HMOX2: variants seen among roughly 807,000 people sequenced by gnomAD.
HMOX2 encodes the protein heme oxygenase (decycling) 2.
HMOX2 carries 30 observed loss-of-function variants against 33.7 expected under a neutral mutation model. The ratio of observed to expected loss-of-function variants is 0.89; its 90% CI spans 0.67 to 1.21. HMOX2 has a LOEUF of 1.21. HMOX2 is among the 50% of genes most tolerant of loss of function. The probability of loss-of-function intolerance (pLI) is 0.00; values close to 1 mark genes in which losing one functional copy is unlikely to be tolerated. For synonymous variants in HMOX2, 155 were observed against 155.0 expected, an observed-to-expected ratio of 1.00 and a Z score of 0.00; for missense variants, 403 against 399.1, an observed-to-expected ratio of 1.01 and a Z score of -0.08.
chr16:4,487,219 G>A (rs191808669), intron 1 of HMOX2, among the ~76,000 whole-genome samples: 3 of 151,910 alleles, frequency 2.0e-5, no homozygotes, highest in Non-Finnish European at 2.9e-5. Context: ...GATTGACCCA[G>A]TGCACTTCAG....
At chr16:4,475,521 A>G (rs966511586), upstream of HMOX2, among the ~76,000 whole-genome samples, 9 of 151,430 alleles carry the variant, frequency 5.9e-5, no homozygotes, top group African/African-American at 1.9e-4. Flanking sequence ...CATGCTGGCC[A>G]GGCTGGTCTC....
At position 4,509,641 on chromosome 16, in the gene HMOX2, G is replaced by A; in HGVS notation, c.836G>A (p.Gly279Asp). 1 of 1,613,708 alleles carries A rather than the reference G, an allele frequency of 6.2e-7. No homozygotes were observed. Among genetic ancestry groups the A allele is most frequent in the Non-Finnish European group, 8.5e-7 (1 of 1,179,628 alleles). ...AAEQDKGALE[G>D]SSCPFRTAMA... ...TGCTGCCACACAGGTGCCCTGGAGG[G>A]CAGCAGCTGTCCCTTCCGAACAGCT... The change falls in exon 6 of 6, where the codon GGC becomes GAC. Residue 279 changes from glycine (G) to aspartate (D), a missense_variant. By Grantham distance (94) the Gly-to-Asp change is moderately conservative (BLOSUM62 -1). Transcript: ENST00000570646.
Position 4,507,721 on chromosome 16 carries a change from C to T in HMOX2, c.213C>T (p.Thr71=). 1 of 1,613,554 alleles carries T rather than the reference C, an allele frequency of 6.2e-7. No homozygotes were observed. Among genetic ancestry groups the T allele is most frequent in the South Asian group, 1.1e-5 (1 of 91,058 alleles). Residue 71 remains threonine, a synonymous_variant, in exon 4 of 6, where the codon ACC becomes ACT. Coordinates refer to ENST00000570646, the MANE Select transcript of HMOX2 (RefSeq NM_002134.4). ...TCCTGTCACCTCCACAGCTGGCCAC[C>T]ACGGCACTTTACTTCACATACTCAG... ...NIKKELFKLA[T]TALYFTYSAL...
At chr16:4,508,323 G>C in intron 4 of HMOX2, 119 bp downstream of exon 4, 1 of 1,226,194 alleles carries the variant, frequency 8.2e-7, no homozygotes, top group Non-Finnish European at 1.1e-6. Flanking sequence ...GCAGGGTGCC[G>C]AGAGGAAGGT....
intron 1 of HMOX2, among the ~76,000 whole-genome samples, chr16:4,494,659 G>A (rs1408664180): frequency 6.6e-6 from 1 of 151,448 alleles, no homozygotes; most frequent in African/African-American, 2.5e-5. Context: ...CAGGCAGATC[G>A]CTTGAGTCCA....
At chr16:4,481,342 C>G (rs2058025246) in intron 1 of HMOX2, among the ~76,000 whole-genome samples, 1 of 111,892 alleles carries the variant, frequency 8.9e-6, no homozygotes, top group Non-Finnish European at 1.9e-5. Flanking sequence ...GAGCGAGACT[C>G]CGTCTCAAAA....
intron 2 of HMOX2, 68 bp downstream of exon 2, chr16:4,505,678 T>A (rs1371843213): frequency 1.7e-6 from 2 of 1,160,716 alleles, no homozygotes; most frequent in Non-Finnish European, 1.2e-6. Context: ...GCACACCTGG[T>A]TTTGTCTGTT....
At chr16:4,501,239 A>C (rs2058550843) in intron 1 of HMOX2, among the ~76,000 whole-genome samples, 1 of 152,246 alleles carries the variant, frequency 6.6e-6, no homozygotes, top group African/African-American at 2.4e-5. Flanking sequence ...AGTCCAACAA[A>C]AAACAAGTAT....
Position 4,480,037 on chromosome 16 carries a change from CTTTTTTA to C in HMOX2, c.-42+3571_-42+3577del, listed in dbSNP as rs527848423. Among the ~76,000 whole-genome samples, 241 of 149,436 alleles carry C rather than the reference CTTTTTTA, an allele frequency of 1.6e-3. 1 individual carries two copies. The highest frequency in any genetic ancestry group is 2.1e-3 in the Non-Finnish European group (138 of 67,138). ...TATAGGCATGAGTCGCTGCGCCCGG[CTTTTTTA>C]TTTTTTATTTTTTATTTTTTTGAAA... On this transcript the variant is annotated intron_variant, in intron 1 of 5. Coordinates refer to ENST00000570646, the MANE Select transcript of HMOX2 (RefSeq NM_002134.4).
At chr16:4,493,883 A>G (rs1019947867) in intron 1 of HMOX2, among the ~76,000 whole-genome samples, 5 of 152,252 alleles carry the variant, frequency 3.3e-5, no homozygotes, top group Non-Finnish European at 7.3e-5. Context: ...CATATAATAC[A>G]TACAGAAATA....
At chr16:4,479,724 CTATTTTTTTTTTTTTT>C (rs1214124084) in intron 1 of HMOX2, among the ~76,000 whole-genome samples, 9 of 93,892 alleles carry the variant, frequency 9.6e-5, no homozygotes, top group Non-Finnish European at 1.7e-4. Flanking sequence ...TTTTCTTATT[CTATTTTTTTTTTTTTT>C]TTTTTTTTTT....
chr16:4,490,114 C>T (rs2058269960), intron 1 of HMOX2, among the ~76,000 whole-genome samples: 1 of 152,142 alleles, frequency 6.6e-6, no homozygotes, highest in Non-Finnish European at 1.5e-5. Flanking sequence ...CATACCATAA[C>T]GAGATATGAG....
intron 1 of HMOX2, among the ~76,000 whole-genome samples, chr16:4,500,586 TTA>T (rs1264500043): frequency 6.6e-6 from 1 of 152,170 alleles, no homozygotes; most frequent in Admixed American, 6.5e-5. Flanking sequence ...AAAGAAGTCT[TTA>T]TTGTTCCTTT....
At chr16:4,480,755 C>T (rs1047175752) in intron 1 of HMOX2, among the ~76,000 whole-genome samples, 2 of 149,196 alleles carry the variant, frequency 1.3e-5, no homozygotes, top group Non-Finnish European at 3.0e-5. Context: ...CAGGTTTAAG[C>T]GATTCTCCTG....
At chr16:4,508,449 T>C (rs886562318) in intron 4 of HMOX2, among the ~76,000 whole-genome samples, 2 of 152,126 alleles carry the variant, frequency 1.3e-5, no homozygotes, top group East Asian at 3.9e-4. Flanking sequence ...CTCTCGCACA[T>C]AGAGGGGTCT....
At chr16:4,508,728 C>G (rs1383418126) in intron 4 of HMOX2, among the ~76,000 whole-genome samples, 2 of 152,144 alleles carry the variant, frequency 1.3e-5, no homozygotes, top group African/African-American at 4.8e-5. Context: ...GTCTCATTCT[C>G]CCATGTTCCA....
chr16:4,504,795 T>G (rs2058650197), intron 1 of HMOX2, among the ~76,000 whole-genome samples: 1 of 150,580 alleles, frequency 6.6e-6, no homozygotes, highest in Non-Finnish European at 1.5e-5. Flanking sequence ...GCTCAAGAGA[T>G]TCTCCTGCCT....
chr16:4,487,692 T>C (rs4786504), intron 1 of HMOX2, among the ~76,000 whole-genome samples: 110,917 of 151,024 alleles, frequency 0.73, 40,904 homozygotes, highest in African/African-American at 0.78. Context: ...CCCAGCTCCT[T>C]GGGAGGCTGA....
chr16:4,479,756 T>C (rs992849578), intron 1 of HMOX2, among the ~76,000 whole-genome samples: 2 of 76,588 alleles, frequency 2.6e-5, no homozygotes, highest in African/African-American at 9.7e-5. Context: ...TTTTTTTTTT[T>C]TTGAGACAGT....
Sources: allele counts gnomAD v4.1 joint callset (sites outside exome capture counted in the v4.1 genomes callset), GRCh38; gene constraint gnomAD v4.1.1; transcripts MANE v1.5; gene names NCBI Gene and HGNC (gene_info 2026-07-23, HGNC 2026-07-21).